ICAM4: variants seen among roughly 807,000 people sequenced by gnomAD.
ICAM4 encodes intercellular adhesion molecule 4 (Landsteiner-Wiener blood group), also known as intercellular adhesion molecule 4.
In ICAM4, 16 loss-of-function variants were observed where a neutral mutation model predicts 18.8. The ratio of observed to expected loss-of-function variants is 0.85; its 90% CI spans 0.58 to 1.29. The LOEUF (loss-of-function observed/expected upper bound fraction) is 1.29. ICAM4 is among the 50% of genes most tolerant of loss of function. ICAM4 has a pLI of 0.00. For synonymous variants in ICAM4, 163 were observed against 163.2 expected (o/e 1.00, Z 0.01); for missense variants, 338 against 364.3 (o/e 0.93, Z 0.59).
In ICAM4 at chr19:10,287,710, A is replaced by G. The variant is rs544219094; in HGVS notation, c.569A>G (p.Asn190Ser). ...CGCTTCACCGGCCTGGATCTGGCCAACGTGACCTTGACCTACGAGTTTGCT... is the reference window on the plus strand; with the variant it reads ...CGCTTCACCGGCCTGGATCTGGCCAGCGTGACCTTGACCTACGAGTTTGCT... ...LERFTGLDLANVTLTYEFAAG... is the reference protein window; with the variant it reads ...LERFTGLDLASVTLTYEFAAG... Residue 190 changes from asparagine (N) to serine (S), a missense_variant, in exon 2 of 3, where the codon AAC becomes AGC. By Grantham distance (46) the Asn-to-Ser change is conservative (BLOSUM62 1). Transcript: ENST00000380770. This position sits in a 1 kb window ranked among gnomAD's most constrained non-coding sequence, Gnocchi z 8.7. The G allele has an allele frequency of 1.5e-5, 25 of 1,613,942 alleles. No individual in the cohort carries two copies. In the South Asian group the frequency reaches 2.5e-4, roughly 16 times the overall value.
chr19:10,288,411 G>A lies in ICAM4; in HGVS notation c.*307G>A. On this transcript the variant is annotated 3_prime_UTR_variant, in exon 3 of 3. Coordinates refer to ENST00000380770, the MANE Select transcript of ICAM4 (RefSeq NM_001544.5). ...TGCAGTGAGCCTTGATCGTGCCACT[G>A]CACTCCAGCCTGGGGGACAGAGCAC... 1.8e-6 allele frequency: 1 copy of A among 541,872 alleles called. No individual in the cohort carries two copies. Among genetic ancestry groups the A allele is most frequent in the South Asian group, 2.0e-5 (1 of 48,986 alleles). 33.6% of individuals were successfully genotyped at this position (541,872 alleles called of 1,614,324 possible).
rs370195581 is a variant in ICAM4 at position 10,286,971 on chromosome 19, C to T, written c.-42C>T. 1 of 1,470,256 alleles carries T rather than the reference C, an allele frequency of 6.8e-7. No individual in the cohort carries two copies. The highest frequency in any genetic ancestry group is 9.0e-7 in the Non-Finnish European group (1 of 1,117,232). The allele number at this position is 1,470,256 out of a possible 1,614,324, so 91.1% of individuals were successfully genotyped here. A position where few individuals can be genotyped will look rare whatever the true frequency, so the allele number is the denominator to read the frequency against. ...GGCCTCCTTATCTCTAGAGCCGGCC[C>T]TGGCTCTCTGGCGCGGGGCCCCTTA... is the stretch of plus-strand genomic sequence containing the variant. On this transcript the variant is annotated 5_prime_UTR_variant, in exon 1 of 3. Transcript: ENST00000380770.
Position 10,286,966 on chromosome 19 carries a change from C to A in ICAM4, c.-47C>A. ...CTGCGGGCCTCCTTATCTCTAGAGC[C>A]GGCCCTGGCTCTCTGGCGCGGGGCC... On this transcript the variant is annotated 5_prime_UTR_variant, in exon 1 of 3. Transcript: ENST00000380770. The A allele has an allele frequency of 1.4e-6, 2 of 1,459,520 alleles. No homozygotes were observed. Among genetic ancestry groups the A allele is most frequent in the Non-Finnish European group, 1.8e-6 (2 of 1,111,186 alleles). 90.4% of individuals were successfully genotyped at this position (1,459,520 alleles called of 1,614,324 possible). A position where few individuals can be genotyped will look rare whatever the true frequency, so the allele number is the denominator to read the frequency against.
Position 10,288,173 on chromosome 19 carries a change from C to A in ICAM4, c.*69C>A. On this transcript the variant is annotated 3_prime_UTR_variant, in exon 3 of 3. Coordinates refer to ENST00000380770, the MANE Select transcript of ICAM4 (RefSeq NM_001544.5). ...GAAACAATCTGGGGAAATGGCCATACATGGTGGCTGACGCCTGTAATCCCA... is the reference window on the plus strand; with the variant it reads ...GAAACAATCTGGGGAAATGGCCATAAATGGTGGCTGACGCCTGTAATCCCA... 6.2e-7 allele frequency: 1 copy of A among 1,612,964 alleles called. No homozygotes were observed. Among genetic ancestry groups the A allele is most frequent in the Non-Finnish European group, 8.5e-7 (1 of 1,179,424 alleles).
Position 10,287,030 on chromosome 19 carries a change from TCTGTC to T in ICAM4, c.19_23del (p.Leu7AlafsTer21). The T allele has an allele frequency of 1.3e-6, 2 of 1,552,182 alleles. No homozygotes were observed. The highest frequency in any genetic ancestry group is 1.7e-6 in the Non-Finnish European group (2 of 1,149,224). Reference sequence around the variant, plus strand: ...TTTTTGCCATGGGGTCTCTGTTCCCTCTGTCGCTGCTGTTTTTTTTGGCGGCCGCC... The same window carrying T: ...TTTTTGCCATGGGGTCTCTGTTCCCTGCTGCTGTTTTTTTTGGCGGCCGCC... On this transcript the variant is annotated frameshift_variant, in exon 1 of 3. Transcript: ENST00000380770. LOFTEE classifies it high-confidence loss of function. This position sits in a 1 kb window ranked among gnomAD's most constrained non-coding sequence, Gnocchi z 8.7.
At position 10,287,055 on chromosome 19, in the gene ICAM4, G is replaced by A; in HGVS notation, c.43G>A (p.Ala15Thr). 1.9e-6 allele frequency: 3 copies of A among 1,566,114 alleles called. No homozygotes were observed. Among genetic ancestry groups the A allele is most frequent in the African/African-American group, 2.7e-5 (2 of 73,118 alleles). ...FPLSLLFFLAAAYPGVGSALG... is the reference protein window; with the variant it reads ...FPLSLLFFLATAYPGVGSALG... ...TCTGTCGCTGCTGTTTTTTTTGGCG[G>A]CCGCCTACCCGGGAGTTGGGAGCGC... Residue 15 changes from alanine (A) to threonine (T), a missense_variant, in exon 1 of 3, where the codon GCC becomes ACC. By Grantham distance (58) the Ala-to-Thr change is moderately conservative. Coordinates refer to ENST00000380770, the MANE Select transcript of ICAM4 (RefSeq NM_001544.5). This position sits in a 1 kb window ranked among gnomAD's most constrained non-coding sequence, Gnocchi z 8.7.
In ICAM4 at chr19:10,287,823, A is replaced by G. The variant is rs1450702765; in HGVS notation, c.682A>G (p.Ile228Val). 2.0e-5 allele frequency: 32 copies of G among 1,611,568 alleles called. No individual in the cohort carries two copies. Among genetic ancestry groups the G allele is most frequent in the Non-Finnish European group, 2.6e-5 (31 of 1,179,954 alleles). ...GLVVRNSSAP[I>V]TLMLAWSPAP... The stretch of plus-strand genomic sequence containing the variant: ...GGTGGTCCGCAACAGCTCGGCACCC[A>G]TTACACTGATGCTCGGTGAGGCACC... The change falls in exon 2 of 3, where the codon ATT (isoleucine) becomes GTT (valine). Residue 228 changes from isoleucine (I) to valine (V), a missense_variant. Coordinates refer to ENST00000380770, the MANE Select transcript of ICAM4 (RefSeq NM_001544.5). This position sits in a 1 kb window ranked among gnomAD's most constrained non-coding sequence, Gnocchi z 8.7.
rs1401569997 is a variant in ICAM4, at chr19:10,287,850, C to T, written c.697+12C>T. On this transcript the variant is annotated intron_variant, in intron 2 of 2. Coordinates refer to ENST00000380770, the MANE Select transcript of ICAM4 (RefSeq NM_001544.5). The surrounding 1 kb of genome is among the most constrained non-coding windows in gnomAD (Gnocchi z 8.7). ...TACACTGATGCTCGGTGAGGCACCC[C>T]TGTAACCCTGGGGACTAGGAGGAAG... is the stretch of plus-strand genomic sequence containing the variant. 2 of 1,609,648 alleles carry T rather than the reference C, an allele frequency of 1.2e-6. No individual in the cohort carries two copies. Among genetic ancestry groups the T allele is most frequent in the Non-Finnish European group, 1.7e-6 (2 of 1,179,642 alleles).
rs1464305862 is a variant in ICAM4, at chr19:10,287,561, G to A, written c.420G>A (p.Glu140=). ...AYKPPHSVIL[E]PPVLKGRKYT... is the part of the protein sequence containing the mutation. Reference sequence around the variant, plus strand: ...AACCGCCCCACAGCGTGATTTTGGAGCCTCCGGTCTTAAAGGGCAGGAAAT... The same window carrying A: ...AACCGCCCCACAGCGTGATTTTGGAACCTCCGGTCTTAAAGGGCAGGAAAT... The change falls in exon 2 of 3, where the codon GAG becomes GAA. Residue 140 remains glutamate (E), a synonymous_variant. Transcript: ENST00000380770. This position sits in a 1 kb window ranked among gnomAD's most constrained non-coding sequence, Gnocchi z 8.7. 1.2e-6 allele frequency: 2 copies of A among 1,613,730 alleles called. No individual in the cohort carries two copies. The highest frequency in any genetic ancestry group is 4.5e-5 in the East Asian group (2 of 44,866).
In ICAM4 at chr19:10,287,293, C is replaced by T. The variant is rs1335180723; in HGVS notation, c.281C>T (p.Pro94Leu). The change falls in exon 1 of 3, where the codon CCG becomes CTG. Residue 94 changes from proline (P) to leucine (L), a missense_variant. Coordinates refer to ENST00000380770, the MANE Select transcript of ICAM4 (RefSeq NM_001544.5). This position sits in a 1 kb window ranked among gnomAD's most constrained non-coding sequence, Gnocchi z 8.7. The stretch of plus-strand genomic sequence containing the variant: ...CGGCAAGGCAAGACGCTCAGAGGGC[C>T]GGGTTGGGTGTCTTACCAGCTGCTC... ...PLRQGKTLRGPGWVSYQLLDV... is the reference protein window; with the variant it reads ...PLRQGKTLRGLGWVSYQLLDV... The T allele has an allele frequency of 6.8e-6, 11 of 1,613,608 alleles. No individual in the cohort carries two copies. Among genetic ancestry groups the T allele is most frequent in the Non-Finnish European group, 9.3e-6 (11 of 1,180,022 alleles).
In ICAM4 at chr19:10,287,451, C is replaced by G; in HGVS notation, c.394+45C>G. The G allele has an allele frequency of 1.3e-6, 2 of 1,587,190 alleles. No homozygotes were observed. The highest frequency in any genetic ancestry group is 2.3e-5 in the South Asian group (2 of 87,304). ...TCCCGGCTGGGGTGAGGGGAGGGGG[C>G]TGGAAGAGGTGGGGGAAGGGTAGTT... is the stretch of plus-strand genomic sequence containing the variant. On this transcript the variant is annotated intron_variant, in intron 1 of 2. Transcript: ENST00000380770. This position sits in a 1 kb window ranked among gnomAD's most constrained non-coding sequence, Gnocchi z 8.7.
Position 10,286,978 on chromosome 19 carries a change from T to A in ICAM4, c.-35T>A. 1 of 1,476,884 alleles carries A rather than the reference T, an allele frequency of 6.8e-7. No individual in the cohort carries two copies. The highest frequency in any genetic ancestry group is 1.4e-5 in the South Asian group (1 of 72,144). The allele number at this position is 1,476,884 out of a possible 1,614,324, so 91.5% of individuals were successfully genotyped here. On this transcript the variant is annotated 5_prime_UTR_variant, in exon 1 of 3. Coordinates refer to ENST00000380770, the MANE Select transcript of ICAM4 (RefSeq NM_001544.5). ...TTATCTCTAGAGCCGGCCCTGGCTC[T>A]CTGGCGCGGGGCCCCTTAGTCCGGG...
Position 10,286,999 on chromosome 19 carries a change from C to A in ICAM4, c.-14C>A. 2 of 1,498,458 alleles carry A rather than the reference C, an allele frequency of 1.3e-6. No homozygotes were observed. Among genetic ancestry groups the A allele is most frequent in the South Asian group, 2.7e-5 (2 of 74,896 alleles). The allele number at this position is 1,498,458 out of a possible 1,614,324, so 92.8% of individuals were successfully genotyped here. On this transcript the variant is annotated 5_prime_UTR_variant, in exon 1 of 3. Coordinates refer to ENST00000380770, the MANE Select transcript of ICAM4 (RefSeq NM_001544.5). ...GCTCTCTGGCGCGGGGCCCCTTAGT[C>A]CGGGCTTTTTGCCATGGGGTCTCTG...
At position 10,287,876 on chromosome 19, in the gene ICAM4, G is replaced by C. The variant is rs2040132125; in HGVS notation, c.697+38G>C. ...TGTAACCCTGGGGACTAGGAGGAAG[G>C]GGGCAGAGAGAGTTATGACCCCGAG... On this transcript the variant is annotated intron_variant, in intron 2 of 2. Coordinates refer to ENST00000380770, the MANE Select transcript of ICAM4 (RefSeq NM_001544.5). The surrounding 1 kb of genome is among the most constrained non-coding windows in gnomAD (Gnocchi z 8.7). The C allele has an allele frequency of 6.2e-7, 1 of 1,607,512 alleles. No homozygotes were observed.
chr19:10,288,374 G>A lies in ICAM4; in HGVS notation c.*270G>A. On this transcript the variant is annotated 3_prime_UTR_variant, in exon 3 of 3. Transcript: ENST00000380770. ...GAGTTGGGAGGATCCTTTGAGCCCT[G>A]AAAGTCGAGGTTGCAGTGAGCCTTG... 3.4e-6 allele frequency: 2 copies of A among 586,274 alleles called. No individual in the cohort carries two copies. Among genetic ancestry groups the A allele is most frequent in the Non-Finnish European group, 6.1e-6 (2 of 327,688 alleles). The allele number at this position is 586,274 out of a possible 1,614,324, so 36.3% of individuals were successfully genotyped here. A position where few individuals can be genotyped will look rare whatever the true frequency, so the allele number is the denominator to read the frequency against.
chr19:10,287,761 C>G lies in ICAM4; in HGVS notation c.620C>G (p.Pro207Arg). ...FAAGPRDFWQ[P>R]VICHARLNLD... ...GCTGGACCCCGCGACTTCTGGCAGC[C>G]CGTGATCTGCCACGCGCGCCTCAAT... The change falls in exon 2 of 3, where the codon CCC becomes CGC. Residue 207 changes from proline (P) to arginine (R), a missense_variant. Coordinates refer to ENST00000380770, the MANE Select transcript of ICAM4 (RefSeq NM_001544.5). This position sits in a 1 kb window ranked among gnomAD's most constrained non-coding sequence, Gnocchi z 8.7. The G allele has an allele frequency of 6.2e-7, 1 of 1,613,836 alleles. No individual in the cohort carries two copies. Among genetic ancestry groups the G allele is most frequent in the Non-Finnish European group, 8.5e-7 (1 of 1,180,034 alleles).
Position 10,287,333 on chromosome 19 carries a change from G to GAGCT in ICAM4, c.322_325dup (p.Ser109Ter), listed in dbSNP as rs758517612. ...ACCAGCTGCTCGACGTGAGGGCCTG[G>GAGCT]AGCTCCCTCGCGCACTGCCTCGTGA... On this transcript the variant is annotated frameshift_variant, in exon 1 of 3. Coordinates refer to ENST00000380770, the MANE Select transcript of ICAM4 (RefSeq NM_001544.5). LOFTEE classifies it high-confidence loss of function. This position sits in a 1 kb window ranked among gnomAD's most constrained non-coding sequence, Gnocchi z 8.7. The GAGCT allele has an allele frequency of 6.2e-7, 1 of 1,613,180 alleles. No homozygotes were observed. Among genetic ancestry groups the GAGCT allele is most frequent in the Non-Finnish European group, 8.5e-7 (1 of 1,179,794 alleles).
In ICAM4 at chr19:10,287,326, G is replaced by A; in HGVS notation, c.314G>A (p.Arg105Lys). Residue 105 changes from arginine to lysine, a missense_variant, in exon 1 of 3, where the codon AGG (arginine) becomes AAG (lysine). Coordinates refer to ENST00000380770, the MANE Select transcript of ICAM4 (RefSeq NM_001544.5). The surrounding 1 kb of genome is among the most constrained non-coding windows in gnomAD (Gnocchi z 8.7). ...GWVSYQLLDVRAWSSLAHCLV... is the reference protein window; with the variant it reads ...GWVSYQLLDVKAWSSLAHCLV... ...GTGTCTTACCAGCTGCTCGACGTGAGGGCCTGGAGCTCCCTCGCGCACTGC... is the reference window on the plus strand; with the variant it reads ...GTGTCTTACCAGCTGCTCGACGTGAAGGCCTGGAGCTCCCTCGCGCACTGC... The A allele has an allele frequency of 6.2e-7, 1 of 1,613,476 alleles. No homozygotes were observed. The highest frequency in any genetic ancestry group is 8.5e-7 in the Non-Finnish European group (1 of 1,179,924).
chr19:10,287,374 C>T lies in ICAM4; in HGVS notation c.362C>T (p.Thr121Ile). The change falls in exon 1 of 3, where the codon ACA becomes ATA. Residue 121 changes from threonine (T) to isoleucine (I), a missense_variant. Coordinates refer to ENST00000380770, the MANE Select transcript of ICAM4 (RefSeq NM_001544.5). The surrounding 1 kb of genome is among the most constrained non-coding windows in gnomAD (Gnocchi z 8.7). ...AHCLVTCAGK[T>I]RWATSRITAY... ...TGCCTCGTGACCTGCGCAGGAAAAA[C>T]ACGCTGGGCCACCTCCAGGATCACC... The T allele has an allele frequency of 6.2e-7, 1 of 1,607,888 alleles. No individual in the cohort carries two copies. The highest frequency in any genetic ancestry group is 8.5e-7 in the Non-Finnish European group (1 of 1,177,320).
Sources: allele counts gnomAD v4.1 joint callset, GRCh38; gene constraint gnomAD v4.1.1; non-coding constraint Gnocchi (gnomAD v3.1); transcripts MANE v1.5; gene names NCBI Gene and HGNC (gene_info 2026-07-23, HGNC 2026-07-21).